Variants in GRIA3 observed in about 807,000 individuals in gnomAD.
The protein encoded by GRIA3 is glutamate receptor 3.
In GRIA3, 3 loss-of-function variants were observed where a neutral mutation model predicts 63.0. The ratio of observed to expected loss-of-function variants is 0.05; its 90% CI spans 0.02 to 0.12. The LOEUF (loss-of-function observed/expected upper bound fraction) is 0.12, where lower values mean the gene tolerates loss of function less well. GRIA3 is among the 10% of genes least tolerant of loss of function. The pLI, the probability that GRIA3 is intolerant of heterozygous loss-of-function variation, is 1.00. For missense variants in GRIA3, 347 were observed against 700.9 expected, an observed-to-expected ratio of 0.50 and a Z score of 5.70; for synonymous variants, 274 against 257.9, an observed-to-expected ratio of 1.06 and a Z score of -0.60.
intron 5 of GRIA3, among the ~76,000 whole-genome samples, chrX:123,369,212 C>T (rs1025418214): frequency 9.0e-6 from 1 of 111,572 alleles, no homozygotes; most frequent in Non-Finnish European, 1.9e-5. Context: ...TCAAGGACTG[C>T]GAATTGGAAG....
At chrX:123,254,854 G>A (rs1478565453) in intron 3 of GRIA3, among the ~76,000 whole-genome samples, 1 of 111,779 alleles carries the variant, frequency 8.9e-6, no homozygotes, top group Admixed American at 9.5e-5. Flanking sequence ...CACCTAAGGT[G>A]TGTTCCTTCT....
At chrX:123,271,558 T>C (rs2147294376) in intron 3 of GRIA3, among the ~76,000 whole-genome samples, 1 of 112,066 alleles carries the variant, frequency 8.9e-6, no homozygotes, top group African/African-American at 3.2e-5. Context: ...AAAAGATTAT[T>C]ATATCCTTAC....
At chrX:123,478,517 G>A (rs2045897107) in intron 13 of GRIA3, among the ~76,000 whole-genome samples, 1 of 111,886 alleles carries the variant, frequency 8.9e-6, no homozygotes, top group Non-Finnish European at 1.9e-5. Context: ...TATTCAAACC[G>A]CAAGTACTCT....
At position 123,187,138 on chromosome X, in the gene GRIA3, T is replaced by C. The variant is rs146877016; in HGVS notation, c.268+1148T>C. 5.4e-5 allele frequency among the ~76,000 whole-genome samples: 6 copies of C among 112,011 alleles called. No homozygotes were observed. In the East Asian group the frequency reaches 1.7e-3, roughly 31 times the overall value. On this transcript the variant is annotated intron_variant, in intron 2 of 15. Coordinates refer to ENST00000620443, the MANE Select transcript of GRIA3 (RefSeq NM_007325.5). ...CCAAGGGAGAAATGATATTTATGTTTGGATGGGTGAAACTTTGTATATGAC... is the reference window on the plus strand; with the variant it reads ...CCAAGGGAGAAATGATATTTATGTTCGGATGGGTGAAACTTTGTATATGAC...
At chrX:123,293,464 A>T (rs868803474) in intron 3 of GRIA3, among the ~76,000 whole-genome samples, 1 of 110,548 alleles carries the variant, frequency 9.0e-6, no homozygotes, top group Non-Finnish European at 1.9e-5. Context: ...GTTCATTGAT[A>T]CTCCTGTACC....
chrX:123,257,879 G>A (rs755545475), intron 3 of GRIA3, among the ~76,000 whole-genome samples: 34 of 111,724 alleles, frequency 3.0e-4, no homozygotes, highest in Admixed American at 9.5e-5. Flanking sequence ...AACATTGAGT[G>A]GAATTCAGGG....
intron 2 of GRIA3, among the ~76,000 whole-genome samples, chrX:123,227,529 G>A (rs1009408271): frequency 2.7e-5 from 3 of 111,751 alleles, no homozygotes; most frequent in African/African-American, 9.8e-5. Flanking sequence ...TACTTATTGA[G>A]CACCTACTAT....
At chrX:123,376,358 C>T (rs927238852) in intron 5 of GRIA3, among the ~76,000 whole-genome samples, 1 of 112,118 alleles carries the variant, frequency 8.9e-6, no homozygotes, top group Non-Finnish European at 1.9e-5. Flanking sequence ...TCAGTGTTTG[C>T]CTCTTGCCAC....
intron 5 of GRIA3, among the ~76,000 whole-genome samples, chrX:123,378,625 G>A (rs1161046934): frequency 9.1e-6 from 1 of 110,256 alleles, no homozygotes; most frequent in Admixed American, 9.7e-5. Context: ...TGGCCAGGCT[G>A]ATCTCAAACT....
At chrX:123,379,779 T>A (rs1255863495) in intron 5 of GRIA3, among the ~76,000 whole-genome samples, 1 of 100,262 alleles carries the variant, frequency 1.0e-5, no homozygotes, top group Admixed American at 1.1e-4. Context: ...TATCTCCTAC[T>A]GCTATCCCTC....
chrX:123,380,303 CTGT>C lies in GRIA3; in HGVS notation c.751-14660_751-14658del, dbSNP rs775536061. Among the ~76,000 whole-genome samples, 11 of 112,061 alleles carry C rather than the reference CTGT, an allele frequency of 9.8e-5. No individual in the cohort carries two copies. In the South Asian group the frequency reaches 3.7e-3, roughly 38 times the overall value. On this transcript the variant is annotated intron_variant, in intron 5 of 15. Coordinates refer to ENST00000620443, the MANE Select transcript of GRIA3 (RefSeq NM_007325.5). ...TATTTCTCCACATCCTCTCCAGCACCTGTTGTTTCCCGACTTTTTAATGATCAC... is the reference window on the plus strand; with the variant it reads ...TATTTCTCCACATCCTCTCCAGCACCTGTTTCCCGACTTTTTAATGATCAC...
At chrX:123,352,708 C>A (rs917581413) in intron 4 of GRIA3, among the ~76,000 whole-genome samples, 1 of 111,408 alleles carries the variant, frequency 9.0e-6, no homozygotes, top group African/African-American at 3.3e-5. Context: ...ATTTTTCTAG[C>A]AGAACTCAAA....
chrX:123,247,927 T>C (rs2147279540), intron 2 of GRIA3, among the ~76,000 whole-genome samples: 1 of 111,809 alleles, frequency 8.9e-6, no homozygotes, highest in South Asian at 3.8e-4. Context: ...TTGTCTCATT[T>C]ATTGTATTTT....
intron 3 of GRIA3, 53 bp downstream of exon 3, chrX:123,253,595 A>C: frequency 9.2e-7 from 1 of 1,084,700 alleles, no homozygotes; most frequent in South Asian, 1.9e-5. Flanking sequence ...TTGTGTTCAA[A>C]CTTCCTCAGC....
intron 12 of GRIA3, among the ~76,000 whole-genome samples, chrX:123,464,416 G>A (rs998792685): frequency 6.3e-5 from 7 of 111,775 alleles, no homozygotes; most frequent in African/African-American, 2.3e-4. Context: ...ATCTCATGCT[G>A]GACTGGGCTG....
chrX:123,283,328 A>G (rs1383432235), intron 3 of GRIA3, among the ~76,000 whole-genome samples: 2 of 111,824 alleles, frequency 1.8e-5, no homozygotes, highest in African/African-American at 6.5e-5. Context: ...CCATTTGGGC[A>G]GACACCGAGC....
At chrX:123,328,691 G>C in intron 4 of GRIA3, among the ~76,000 whole-genome samples, 1 of 111,752 alleles carries the variant, frequency 8.9e-6, no homozygotes, top group East Asian at 2.8e-4. Flanking sequence ...TGGATAGATG[G>C]ATAATGAACA....
chrX:123,187,557 C>A (rs1927313061), intron 2 of GRIA3, among the ~76,000 whole-genome samples: 1 of 112,109 alleles, frequency 8.9e-6, no homozygotes, highest in Admixed American at 9.4e-5. Flanking sequence ...TGTCAAGAGG[C>A]TGAATCTCAA....
intron 3 of GRIA3, among the ~76,000 whole-genome samples, chrX:123,262,782 GC>G (rs1451167591): frequency 9.0e-6 from 1 of 111,513 alleles, no homozygotes; most frequent in Non-Finnish European, 1.9e-5. Context: ...GGCTGGACTA[GC>G]CAGGGAAGGC....
Sources: gnomAD v4.1 joint callset for allele counts (sites outside exome capture counted in the v4.1 genomes callset) on GRCh38, gnomAD v4.1.1 for gene constraint, MANE v1.5 for transcripts, NCBI Gene and HGNC (gene_info 2026-07-23, HGNC 2026-07-21) for gene names.